The following ABAT variants were observed in gnomAD, a reference collection of about 807,000 sequenced individuals.
The protein encoded by ABAT is 4-aminobutyrate aminotransferase, also known as 4-aminobutyrate aminotransferase, mitochondrial.
Under a neutral mutation model 64.6 loss-of-function variants are expected in ABAT, and 45 were observed. That is an observed-to-expected ratio of 0.70 (90% confidence interval 0.55 to 0.89). The LOEUF (loss-of-function observed/expected upper bound fraction) is 0.89. ABAT is among the 40% of genes least tolerant of loss of function. The probability of loss-of-function intolerance (pLI) is 0.00; values close to 1 mark genes in which losing one functional copy is unlikely to be tolerated. For synonymous variants in ABAT, 297 were observed against 250.5 expected (o/e 1.19, Z -1.75); for missense variants, 633 against 658.4 (o/e 0.96, Z 0.42).
intron 1 of ABAT, among the ~76,000 whole-genome samples, chr16:8,677,039 G>A (rs924627361): frequency 7.2e-5 from 11 of 152,182 alleles, no homozygotes; most frequent in African/African-American, 2.7e-4. Context: ...GAAGTTCAAA[G>A]CATGAGGAGG....
rs563147237 is a variant in ABAT, at chr16:8,783,090, G to A, written c.*1660G>A. Reference sequence around the variant, plus strand: ...AGTGCTAATCCGTCGTTCTTAATCAGGAGTTCTGCCAGGTTTAAGGTCACC... The same window carrying A: ...AGTGCTAATCCGTCGTTCTTAATCAAGAGTTCTGCCAGGTTTAAGGTCACC... On this transcript the variant is annotated 3_prime_UTR_variant, in exon 16 of 16. Transcript: ENST00000268251. 4 of 152,188 alleles carry A rather than the reference G, an allele frequency of 2.6e-5. No homozygotes were observed. The East Asian group carries it at 7.7e-4, about 29-fold the overall frequency. 9.4% of individuals were successfully genotyped at this position (152,188 alleles called of 1,614,324 possible).
chr16:8,732,548 A>G (rs372135966), intron 1 of ABAT, among the ~76,000 whole-genome samples: 1 of 151,678 alleles, frequency 6.6e-6, no homozygotes, highest in African/African-American at 2.4e-5. Context: ...GTAAGGTCAC[A>G]GATCAACAGG....
intron 1 of ABAT, among the ~76,000 whole-genome samples, chr16:8,721,665 T>C (rs760369507): frequency 6.6e-6 from 1 of 152,194 alleles, no homozygotes; most frequent in Non-Finnish European, 1.5e-5. Flanking sequence ...AGTAAATAAA[T>C]GGGAGCTGGT....
Position 8,729,912 on chromosome 16 carries a change from C to A in ABAT, c.-41-5787C>A, listed in dbSNP as rs1048588660. ...TGTCAGGACTCTGGCCCAGCCCTGT[C>A]TAGTCAACCATGGCCAGTAGGGCCA... On this transcript the variant is annotated intron_variant, in intron 1 of 15. Transcript: ENST00000268251. 1.3e-5 allele frequency among the ~76,000 whole-genome samples: 2 copies of A among 151,346 alleles called. 1 individual carries two copies. Among genetic ancestry groups the A allele is most frequent in the East Asian group, 3.9e-4 (2 of 5,142 alleles).
intron 1 of ABAT, among the ~76,000 whole-genome samples, chr16:8,712,083 T>C (rs2142090095): frequency 6.6e-6 from 1 of 151,878 alleles, no homozygotes; most frequent in East Asian, 1.9e-4. Context: ...ATACAAAAAT[T>C]AGCTGGGCGT....
intron 12 of ABAT, 121 bp from the exon 13 acceptor site, chr16:8,774,769 C>G: frequency 8.0e-7 from 1 of 1,248,958 alleles, no homozygotes; most frequent in Middle Eastern, 2.7e-4. Context: ...CTGGTTTGCT[C>G]TTCAGAAAAC....
chr16:8,710,698 G>GAA (rs2058047673), intron 1 of ABAT, among the ~76,000 whole-genome samples: 1 of 75,600 alleles, frequency 1.3e-5, no homozygotes, highest in Non-Finnish European at 2.9e-5. Flanking sequence ...GAGAGACAGA[G>GAA]AGAGAGAGAG....
intron 1 of ABAT, among the ~76,000 whole-genome samples, chr16:8,690,899 G>A (rs948552301): frequency 3.9e-5 from 6 of 152,184 alleles, no homozygotes; most frequent in Admixed American, 2.0e-4. Context: ...TGGCCGCTGT[G>A]TTCTTTGTGG....
intron 1 of ABAT, among the ~76,000 whole-genome samples, chr16:8,703,893 A>G (rs766585103): frequency 8.5e-5 from 13 of 152,220 alleles, no homozygotes; most frequent in Non-Finnish European, 1.8e-4. Flanking sequence ...ATGAATTAAT[A>G]GGTGTAGCTG....
chr16:8,675,754 C>A (rs543994016), intron 1 of ABAT, among the ~76,000 whole-genome samples: 5 of 152,158 alleles, frequency 3.3e-5, no homozygotes, highest in Non-Finnish European at 7.3e-5. Context: ...AGAGACCACC[C>A]GCCACCTCTC....
intron 1 of ABAT, among the ~76,000 whole-genome samples, chr16:8,698,788 A>G (rs1220699251): frequency 1.3e-5 from 2 of 152,102 alleles, no homozygotes; most frequent in African/African-American, 4.8e-5. Context: ...TACAAAAAAA[A>G]TACAAAAATT....
rs1408331843 is a variant in ABAT, at chr16:8,768,962, T to C, written c.805T>C (p.Cys269Arg). 2 of 1,614,194 alleles carry C rather than the reference T, an allele frequency of 1.2e-6. No individual in the cohort carries two copies. Among genetic ancestry groups the C allele is most frequent in the South Asian group, 1.1e-5 (1 of 91,088 alleles). The change falls in exon 11 of 16, where the codon TGT becomes CGT. Residue 269 changes from cysteine to arginine, a missense_variant. By Grantham distance (180) the Cys-to-Arg change is radical (BLOSUM62 -3). Transcript: ENST00000268251. ...AGAGAACCAACAGGAGGAGGCCCGC[T>C]GTCTGGAAGAGGTAATGCTCATACC... ...VKENQQEEAR[C>R]LEEVEDLIVK... is the part of the protein sequence containing the mutation.
chr16:8,737,936 AAAGGAAAGGAAG>A (rs2059002771), intron 2 of ABAT, among the ~76,000 whole-genome samples: 1 of 51,858 alleles, frequency 1.9e-5, no homozygotes, highest in Non-Finnish European at 3.8e-5. Context: ...AAAAAAAAAG[AAAGGAAAGGAAG>A]AAAGGAAGGA....
At chr16:8,737,783 C>G (rs1413797108) in intron 2 of ABAT, among the ~76,000 whole-genome samples, 1 of 148,186 alleles carries the variant, frequency 6.7e-6, no homozygotes, top group Non-Finnish European at 1.5e-5. Context: ...AAAAAATTAG[C>G]CGGGTGTGGT....
Position 8,764,132 on chromosome 16 carries a change from C to T in ABAT, c.430C>T (p.Arg144Trp), listed in dbSNP as rs993935082. Residue 144 changes from arginine to tryptophan, a missense_variant, in exon 7 of 16, where the codon CGG becomes TGG. Physicochemically the swap from Arg to Trp is moderately radical, Grantham distance 101. Coordinates refer to ENST00000268251, the MANE Select transcript of ABAT (RefSeq NM_020686.6). The surrounding 1 kb of genome is among the most constrained non-coding windows in gnomAD (Gnocchi z 4.2). The part of the protein sequence containing the change: ...LPPENFVEKL[R>W]QSLLSVAPKG... Reference sequence around the variant, plus strand: ...TCCGGAGAACTTTGTGGAGAAGCTCCGGCAGTCCTTGCTCTCGGTGAGTTC... The same window carrying T: ...TCCGGAGAACTTTGTGGAGAAGCTCTGGCAGTCCTTGCTCTCGGTGAGTTC... The T allele has an allele frequency of 9.9e-6, 16 of 1,613,334 alleles. No homozygotes were observed. Among genetic ancestry groups the T allele is most frequent in the African/African-American group, 2.7e-5 (2 of 74,810 alleles).
In ABAT at chr16:8,764,622, G is replaced by A. The variant is rs893001340; in HGVS notation, c.448-116G>A. 4 of 1,011,790 alleles carry A rather than the reference G, an allele frequency of 4.0e-6. No homozygotes were observed. Among genetic ancestry groups the A allele is most frequent in the Non-Finnish European group, 6.2e-6 (4 of 649,206 alleles). The allele number at this position is 1,011,790 out of a possible 1,614,324, so 62.7% of individuals were successfully genotyped here. On this transcript the variant is annotated intron_variant, in intron 7 of 15. Transcript: ENST00000268251. This position sits in a 1 kb window ranked among gnomAD's most constrained non-coding sequence, Gnocchi z 4.2. ...TCCCAGTCCGACACCTTCCAGGACA[G>A]CCCTGGTTCTGTCTGTCCCCGGTAC...
At chr16:8,730,800 C>T (rs146961575) in intron 1 of ABAT, among the ~76,000 whole-genome samples, 59 of 152,302 alleles carry the variant, frequency 3.9e-4, no homozygotes, top group African/African-American at 1.4e-3. Flanking sequence ...GCATTAGGCA[C>T]AAGCCAGGAC....
intron 6 of ABAT, among the ~76,000 whole-genome samples, 183 bp from the exon 7 acceptor site, chr16:8,763,886 A>C (rs2059866449): frequency 6.6e-6 from 1 of 152,206 alleles, no homozygotes; most frequent in Non-Finnish European, 1.5e-5. Context: ...CATCCACAGC[A>C]ATCCTAGTGG....
intron 1 of ABAT, among the ~76,000 whole-genome samples, chr16:8,686,105 C>T (rs1004967878): frequency 6.6e-6 from 1 of 152,158 alleles, no homozygotes; most frequent in African/African-American, 2.4e-5. Context: ...AAGGCACCAC[C>T]CCGGCAGGAC....
Sources: gnomAD v4.1 joint callset for allele counts (sites outside exome capture counted in the v4.1 genomes callset) on GRCh38, gnomAD v4.1.1 for gene constraint, Gnocchi (gnomAD v3.1) non-coding constraint, MANE v1.5 for transcripts, NCBI Gene and HGNC (gene_info 2026-07-23, HGNC 2026-07-21) for gene names.